The following NUP42 variants were observed in gnomAD, a reference collection of about 807,000 sequenced individuals.
NUP42 encodes nucleoporin 42.
NUP42 carries 47 observed loss-of-function variants against 35.9 expected under a neutral mutation model. The observed-to-expected ratio is 1.31, with a 90% CI of 1.04 to 1.67. The LOEUF (loss-of-function observed/expected upper bound fraction) is 1.67. Ranked by LOEUF, NUP42 falls within the 40% of genes most tolerant of loss-of-function variation. NUP42 has a pLI of 0.00. For synonymous variants in NUP42, 173 were observed against 173.3 expected (o/e 1.00, Z 0.01); for missense variants, 514 against 492.2 (o/e 1.04, Z -0.42).
At chr7:23,190,377 C>T (rs1785749728) in intron 3 of NUP42, among the ~76,000 whole-genome samples, 1 of 152,176 alleles carries the variant, frequency 6.6e-6, no homozygotes, top group Non-Finnish European at 1.5e-5. Flanking sequence ...CAAGGCTATT[C>T]ATCTTACTAA....
intron 3 of NUP42, among the ~76,000 whole-genome samples, chr7:23,192,546 C>CAAA (rs200047613): frequency 0.069 from 4,486 of 65,140 alleles, 117 homozygotes; most frequent in South Asian, 0.13. Flanking sequence ...GACTTCATCT[C>CAAA]AAAAAAAAAA....
rs779349648 is a variant in NUP42, at chr7:23,182,173, G to A, written c.88G>A (p.Gly30Arg). 3 of 1,538,768 alleles carry A rather than the reference G, an allele frequency of 1.9e-6. No homozygotes were observed. Among genetic ancestry groups the A allele is most frequent in the East Asian group, 2.2e-5 (1 of 44,878 alleles). Residue 30 changes from glycine to arginine, a missense_variant, in exon 1 of 7, where the codon GGA (glycine) becomes AGA (arginine). Physicochemically the swap from Gly to Arg is moderately radical, Grantham distance 125. Coordinates refer to ENST00000258742, the MANE Select transcript of NUP42 (RefSeq NM_007342.3). ...NEHPGARGAG[G>R]GRQQPQQQPS... is the part of the protein sequence containing the mutation. ...ACATCCCGGTGCTAGGGGTGCAGGA[G>A]GAGGACGGCAGCAACCGCAGCAGCA...
At chr7:23,188,140 A>G (rs911467431) in intron 3 of NUP42, 2 of 1,320,238 alleles carry the variant, frequency 1.5e-6, no homozygotes, top group African/African-American at 3.1e-5. Flanking sequence ...TACCTTGCAA[A>G]TGGGAGCTCT....
intron 5 of NUP42, among the ~76,000 whole-genome samples, chr7:23,197,822 G>A (rs897825761): frequency 6.6e-6 from 1 of 151,972 alleles, no homozygotes; most frequent in African/African-American, 2.4e-5. Context: ...TTACACTGAG[G>A]GAGAGAAACC....
intron 1 of NUP42, among the ~76,000 whole-genome samples, chr7:23,183,921 T>G (rs1384955541): frequency 6.7e-6 from 1 of 150,112 alleles, no homozygotes; most frequent in Non-Finnish European, 1.5e-5. Flanking sequence ...AGTTTAGAGT[T>G]GCAGGATGAA....
intron 3 of NUP42, among the ~76,000 whole-genome samples, chr7:23,191,299 TGA>T (rs2128473651): frequency 6.6e-6 from 1 of 151,966 alleles, no homozygotes; most frequent in African/African-American, 2.4e-5. Context: ...GCATGCTGTG[TGA>T]GGGGGGAGAA....
intron 1 of NUP42, among the ~76,000 whole-genome samples, chr7:23,183,085 T>A (rs968910353): frequency 1.3e-5 from 2 of 152,034 alleles, no homozygotes; most frequent in Non-Finnish European, 1.5e-5. Flanking sequence ...GTTGATCTAG[T>A]CCCTGGGCCT....
intron 3 of NUP42, chr7:23,188,018 T>TA (rs1785661279): frequency 8.5e-7 from 1 of 1,175,020 alleles, no homozygotes; most frequent in Non-Finnish European, 1.2e-6. Context: ...TTTTTATTTT[T>TA]TTTTTTGTCC....
At chr7:23,193,651 G>A (rs1398938677) in intron 3 of NUP42, among the ~76,000 whole-genome samples, 3 of 152,346 alleles carry the variant, frequency 2.0e-5, no homozygotes, top group African/African-American at 4.8e-5. Flanking sequence ...CCAGACTCAG[G>A]AGCCCAGCTG....
Position 23,200,814 on chromosome 7 carries a change from T to C in NUP42, c.*69T>C. The C allele has an allele frequency of 2.2e-6, 2 of 915,020 alleles. No homozygotes were observed. Among genetic ancestry groups the C allele is most frequent in the Non-Finnish European group, 3.3e-6 (2 of 615,054 alleles). The allele number at this position is 915,020 out of a possible 1,614,324, so 56.7% of individuals were successfully genotyped here. On this transcript the variant is annotated 3_prime_UTR_variant, in exon 7 of 7. Transcript: ENST00000258742. ...TTTGAGTGATTCATACAGAGATGTA[T>C]ATATGCATACATGTATATATTCATA...
chr7:23,200,554 A>G lies in NUP42; in HGVS notation c.1081A>G (p.Ser361Gly), dbSNP rs200523728. 2 of 1,614,140 alleles carry G rather than the reference A, an allele frequency of 1.2e-6. No homozygotes were observed. The highest frequency in any genetic ancestry group is 2.2e-5 in the East Asian group (1 of 44,886). ...HSHTAFSKPS[S>G]DTFGNSSIST... ...TCACACTGCTTTTTCTAAGCCATCC[A>G]GTGACACTTTTGGAAATAGCAGCAT... The change falls in exon 7 of 7, where the codon AGT (serine) becomes GGT (glycine). Residue 361 changes from serine to glycine, a missense_variant. Transcript: ENST00000258742.
chr7:23,187,915 AT>A (rs946497939), intron 3 of NUP42: 3 of 521,240 alleles, frequency 5.8e-6, no homozygotes, highest in Non-Finnish European at 9.8e-6. Context: ...CTGGAATAGC[AT>A]TTGCTTTAGA....
At chr7:23,193,828 G>A (rs1047634669) in intron 3 of NUP42, among the ~76,000 whole-genome samples, 1 of 152,252 alleles carries the variant, frequency 6.6e-6, no homozygotes. Flanking sequence ...GCGCACGGAG[G>A]TGAGGGGGAG....
chr7:23,200,444 C>A lies in NUP42; in HGVS notation c.971C>A (p.Ala324Glu). The A allele has an allele frequency of 6.2e-7, 1 of 1,614,218 alleles. No individual in the cohort carries two copies. The highest frequency in any genetic ancestry group is 8.5e-7 in the Non-Finnish European group (1 of 1,180,036). ...PGFSGLPASL[A>E]TGPVRAPVAP... ...TTTTCAGGACTTCCAGCTTCCTTGG[C>A]AACAGGTCCTGTCAGAGCTCCAGTG... Residue 324 changes from alanine (A) to glutamate (E), a missense_variant, in exon 7 of 7, where the codon GCA (alanine) becomes GAA (glutamate). By Grantham distance (107) the Ala-to-Glu change is moderately radical (BLOSUM62 -1). Coordinates refer to ENST00000258742, the MANE Select transcript of NUP42 (RefSeq NM_007342.3).
rs1785996000 is a variant in NUP42, at chr7:23,195,907, C to T, written c.514C>T (p.Gln172Ter). 1.3e-6 allele frequency: 2 copies of T among 1,587,618 alleles called. No homozygotes were observed. Residue 172 changes from glutamine to a stop codon, truncating the protein, a stop_gained, in exon 4 of 7, where the codon CAG becomes TAG. Coordinates refer to ENST00000258742, the MANE Select transcript of NUP42 (RefSeq NM_007342.3). LOFTEE classifies it high-confidence loss of function. ...TAACTTCTTAACCAGCAATAACTTA[C>T]AGAGTTATGTAAGTTTGTTTCCTAT... is the stretch of plus-strand genomic sequence containing the variant. ...YHNFLTSNNL[Q>*]SYLNSVQRLI...
rs185722652 is a variant in NUP42 at position 23,185,825 on chromosome 7, C to T, written c.350+527C>T. Among the ~76,000 whole-genome samples the T allele has an allele frequency of 5.7e-4, 87 of 152,280 alleles. 1 individual carries two copies. In the East Asian group the frequency reaches 0.014, roughly 25 times the overall value. On this transcript the variant is annotated intron_variant, in intron 2 of 6. Coordinates refer to ENST00000258742, the MANE Select transcript of NUP42 (RefSeq NM_007342.3). ...TACAATCTCGGCTCGCTGCAGCCTC[C>T]GCCTTCTGGGCTCAAGCCATTCTTC... is the stretch of plus-strand genomic sequence containing the variant.
rs192374896 is a variant in NUP42 at position 23,184,879 on chromosome 7, G to A, written c.122-191G>A. ...AAATTAGCCAGACATGGTGGTTTGC[G>A]CCTGTGGTCCCAGCTACTCAGGAGG... On this transcript the variant is annotated intron_variant, in intron 1 of 6. Coordinates refer to ENST00000258742, the MANE Select transcript of NUP42 (RefSeq NM_007342.3). 3.3e-5 allele frequency among the ~76,000 whole-genome samples: 5 copies of A among 152,182 alleles called. No homozygotes were observed. The East Asian group carries it at 5.8e-4, about 18-fold the overall frequency.
intron 5 of NUP42, among the ~76,000 whole-genome samples, chr7:23,199,225 A>AT (rs1334286479): frequency 6.6e-6 from 1 of 151,862 alleles, no homozygotes; most frequent in African/African-American, 2.4e-5. Context: ...CCACTGGCTA[A>AT]TTTTTTATAG....
chr7:23,189,298 C>T (rs540600416), intron 3 of NUP42, among the ~76,000 whole-genome samples: 18 of 152,218 alleles, frequency 1.2e-4, no homozygotes, highest in Non-Finnish European at 1.9e-4. Context: ...AAAATCTCTT[C>T]TGATTAAATG....
Sources: allele counts gnomAD v4.1 joint callset (sites outside exome capture counted in the v4.1 genomes callset), GRCh38; gene constraint gnomAD v4.1.1; transcripts MANE v1.5; gene names NCBI Gene and HGNC (gene_info 2026-07-23, HGNC 2026-07-21).